Variants in ENPEP observed in about 807,000 individuals in gnomAD.
The protein encoded by ENPEP is glutamyl aminopeptidase, also known as AP-A.
ENPEP carries 103 observed loss-of-function variants against 114.5 expected under a neutral mutation model. The ratio of observed to expected loss-of-function variants is 0.90; its 90% confidence interval spans 0.77 to 1.06. ENPEP has a LOEUF of 1.06. Ranked by LOEUF, ENPEP falls within the 50% of genes least tolerant of loss-of-function variation. ENPEP has a pLI of 0.00. For missense variants in ENPEP, 1,196 were observed against 1,161.3 expected (o/e 1.03, Z -0.43); for synonymous variants, 420 against 422.0 (o/e 1.00, Z 0.06).
In ENPEP at chr4:110,563,027, T is replaced by G. The variant is rs936152417; in HGVS notation, c.*1469T>G. The stretch of plus-strand genomic sequence containing the variant: ...CAAACTAGTAAATTCAAATGTAGAC[T>G]GGGTTGTGGGTGGCAGATATAGAAG... On this transcript the variant is annotated 3_prime_UTR_variant, in exon 20 of 20. Transcript: ENST00000265162. 1 of 152,156 alleles carries G rather than the reference T, an allele frequency of 6.6e-6. No individual in the cohort carries two copies. The highest frequency in any genetic ancestry group is 1.5e-5 in the Non-Finnish European group (1 of 67,996). 9.4% of individuals were successfully genotyped at this position (152,156 alleles called of 1,614,324 possible).
chr4:110,541,267 A>G (rs1334858020), intron 11 of ENPEP, among the ~76,000 whole-genome samples: 2 of 152,108 alleles, frequency 1.3e-5, no homozygotes, highest in Non-Finnish European at 2.9e-5. Flanking sequence ...TGTGTCCTGG[A>G]TATCTTCCAG....
intron 6 of ENPEP, among the ~76,000 whole-genome samples, chr4:110,511,042 T>C (rs1725554235): frequency 6.6e-6 from 1 of 152,218 alleles, no homozygotes; most frequent in Admixed American, 6.5e-5. Flanking sequence ...GTATAGTTGT[T>C]ATTTATATTT....
Position 110,541,398 on chromosome 4 carries a change from A to C in ENPEP, c.1808-1353A>C, listed in dbSNP as rs145539104. ...GTGCAATCCATTTTCCCCTCCTCTG[A>C]CTGTCCACATCAAGTCAGAAAAAGG... On this transcript the variant is annotated intron_variant, in intron 11 of 19. Transcript: ENST00000265162. Among the ~76,000 whole-genome samples the C allele has an allele frequency of 5.5e-4, 83 of 152,174 alleles. No individual in the cohort carries two copies. In the Middle Eastern group the frequency reaches 0.014, roughly 25 times the overall value.
intron 11 of ENPEP, among the ~76,000 whole-genome samples, 159 bp from the exon 12 acceptor site, chr4:110,542,592 A>G (rs1726889859): frequency 1.3e-5 from 2 of 152,102 alleles, no homozygotes; most frequent in Non-Finnish European, 2.9e-5. Flanking sequence ...TTAGACAACT[A>G]AGTAAAAATT....
Position 110,476,322 on chromosome 4 carries a change from G to C in ENPEP, c.-93G>C. 1 of 1,460,604 alleles carries C rather than the reference G, an allele frequency of 6.8e-7. No homozygotes were observed. Among genetic ancestry groups the C allele is most frequent in the Non-Finnish European group, 9.2e-7 (1 of 1,092,364 alleles). The allele number at this position is 1,460,604 out of a possible 1,614,324, so 90.5% of individuals were successfully genotyped here. On this transcript the variant is annotated 5_prime_UTR_variant, in exon 1 of 20. Coordinates refer to ENST00000265162, the MANE Select transcript of ENPEP (RefSeq NM_001977.4). The stretch of plus-strand genomic sequence containing the variant: ...AAGCGAAAACAGGCTGCCAAATCAG[G>C]GGATTCCTTCCAATTTAAAAAGGAA...
At chr4:110,527,363 A>G (rs1234679491) in intron 10 of ENPEP, among the ~76,000 whole-genome samples, 4 of 152,264 alleles carry the variant, frequency 2.6e-5, no homozygotes, top group Non-Finnish European at 4.4e-5. Flanking sequence ...GTATCCTGCT[A>G]TAATGCGAGT....
chr4:110,549,100 G>C (rs1394757133), intron 14 of ENPEP, among the ~76,000 whole-genome samples: 1 of 151,918 alleles, frequency 6.6e-6, no homozygotes. Flanking sequence ...AAGAAATAGG[G>C]GTTAAAAGGG....
At chr4:110,531,098 A>C in intron 10 of ENPEP, 100 bp from the exon 11 acceptor site, 1 of 714,674 alleles carries the variant, frequency 1.4e-6, no homozygotes, top group Non-Finnish European at 2.1e-6. Context: ...AATCATTTAA[A>C]AGAAAAATAT....
At chr4:110,528,397 A>C (rs1436921232) in intron 10 of ENPEP, among the ~76,000 whole-genome samples, 1 of 152,126 alleles carries the variant, frequency 6.6e-6, no homozygotes, top group Non-Finnish European at 1.5e-5. Flanking sequence ...CCCATAAAGG[A>C]ATTAGCTTTT....
intron 12 of ENPEP, 46 bp downstream of exon 12, chr4:110,542,933 C>G: frequency 6.2e-7 from 1 of 1,610,758 alleles, no homozygotes; most frequent in Non-Finnish European, 8.5e-7. Context: ...GTTCTAAGAA[C>G]AGCATCTTAA....
In ENPEP at chr4:110,488,552, C is replaced by A; in HGVS notation, c.656C>A (p.Ala219Asp). 1 of 1,611,400 alleles carries A rather than the reference C, an allele frequency of 6.2e-7. No individual in the cohort carries two copies. The highest frequency in any genetic ancestry group is 1.1e-5 in the South Asian group (1 of 90,712). The stretch of plus-strand genomic sequence containing the variant: ...TGTTTGTTTCTAAGGAGCATAGTGG[C>A]CACCGATCATGAACCAACAGATGCC... ...TENGQVKSIV[A>D]TDHEPTDARK... The change falls in exon 2 of 20, where the codon GCC becomes GAC. Residue 219 changes from alanine (A) to aspartate (D), a missense_variant. By Grantham distance (126) the Ala-to-Asp change is moderately radical. Coordinates refer to ENST00000265162, the MANE Select transcript of ENPEP (RefSeq NM_001977.4).
chr4:110,502,082 T>C (rs1427994811), intron 3 of ENPEP, among the ~76,000 whole-genome samples: 1 of 152,192 alleles, frequency 6.6e-6, no homozygotes, highest in Non-Finnish European at 1.5e-5. Flanking sequence ...ATGTGAAAAG[T>C]GTCTTTTGAA....
intron 4 of ENPEP, among the ~76,000 whole-genome samples, chr4:110,508,263 A>T (rs1472987606): frequency 8.3e-6 from 1 of 121,154 alleles, no homozygotes; most frequent in Non-Finnish European, 1.7e-5. Flanking sequence ...CAATGCCAGT[A>T]CTGACCAAAA....
chr4:110,496,902 T>G (rs1017708256), intron 3 of ENPEP, among the ~76,000 whole-genome samples: 2 of 152,234 alleles, frequency 1.3e-5, no homozygotes, highest in Admixed American at 6.5e-5. Context: ...CTGCTTCAGT[T>G]TACTAGTTTT....
chr4:110,534,883 A>G (rs1399210625), intron 11 of ENPEP, among the ~76,000 whole-genome samples: 1 of 151,596 alleles, frequency 6.6e-6, no homozygotes, highest in East Asian at 1.9e-4. Flanking sequence ...TCTCCTGTCC[A>G]CCCTATTATC....
At chr4:110,522,786 C>T (rs1726051486) in intron 10 of ENPEP, among the ~76,000 whole-genome samples, 1 of 152,276 alleles carries the variant, frequency 6.6e-6, no homozygotes, top group South Asian at 2.1e-4. Flanking sequence ...TAAAATTAAA[C>T]CAAGTGTGAA....
intron 18 of ENPEP, among the ~76,000 whole-genome samples, chr4:110,554,264 C>T (rs146530589): frequency 1.1e-4 from 17 of 152,088 alleles, no homozygotes; most frequent in African/African-American, 3.6e-4. Context: ...GTCAATCCAG[C>T]GGCACTGTCT....
chr4:110,538,610 T>C (rs547716071), intron 11 of ENPEP, among the ~76,000 whole-genome samples: 4 of 152,356 alleles, frequency 2.6e-5, no homozygotes, highest in African/African-American at 9.6e-5. Context: ...GTAGGACTTT[T>C]AATTTCCTTC....
At chr4:110,559,602 C>A in intron 18 of ENPEP, 45 bp from the exon 19 acceptor site, 2 of 1,295,108 alleles carry the variant, frequency 1.5e-6, no homozygotes, top group Non-Finnish European at 2.2e-6. Context: ...AAATATGTAA[C>A]ATTCTGAGCA....
Sources: gnomAD v4.1 joint callset for allele counts (sites outside exome capture counted in the v4.1 genomes callset) on GRCh38, gnomAD v4.1.1 for gene constraint, MANE v1.5 for transcripts, NCBI Gene and HGNC (gene_info 2026-07-23, HGNC 2026-07-21) for gene names.